The following TRANK1 variants were observed in gnomAD, a reference collection of about 807,000 sequenced individuals.
TRANK1 encodes TPR and ankyrin repeat-containing protein 1.
Under a neutral mutation model 266.0 loss-of-function variants are expected in TRANK1, and 198 were observed. The ratio of observed to expected loss-of-function variants is 0.74; its 90% CI spans 0.66 to 0.84. The LOEUF is 0.84. Among genes scored for constraint, TRANK1 ranks in the 40% least tolerant of loss-of-function variants. The pLI, the probability that TRANK1 is intolerant of heterozygous loss-of-function variation, is 0.00. For synonymous variants in TRANK1, 1,396 were observed against 1,384.1 expected (o/e 1.01, Z -0.19); for missense variants, 3,326 against 3,634.6 (o/e 0.92, Z 2.18).
At chr3:36,943,701 G>T (rs574243487) in intron 1 of TRANK1, among the ~76,000 whole-genome samples, 1 of 151,492 alleles carries the variant, frequency 6.6e-6, no homozygotes, top group African/African-American at 2.4e-5. Flanking sequence ...TATCAAAAAG[G>T]ATCCTGGAAC....
In TRANK1 at chr3:36,828,276, T is replaced by C. The variant is rs940572539; in HGVS notation, c.8909A>G (p.Ter2970=). ...SRKCGKQRKY[*] is the part of the protein sequence containing the mutation. ...GAGGAGGCTGCAGCTGTGTGGACAT[T>C]AGTATTTTCTCTGCTTTCCACATTT... Residue 2970 remains the stop codon, a stop_retained_variant, in exon 24 of 24, where the codon TAA becomes TGA. Coordinates refer to ENST00000645898, the MANE Select transcript of TRANK1 (RefSeq NM_001329998.2). 1.9e-6 allele frequency: 3 copies of C among 1,608,532 alleles called. No homozygotes were observed. Among genetic ancestry groups the C allele is most frequent in the South Asian group, 1.1e-5 (1 of 89,786 alleles).
chr3:36,829,613 C>A lies in TRANK1; in HGVS notation c.8760G>T (p.Arg2920Ser). ...RLVNILILSV[R>S]DARDWLMKTE... The stretch of plus-strand genomic sequence containing the variant: ...TTTTCATCAACCAGTCTCGTGCATC[C>A]CTGACTGACAGGATCAGAATGTTGA... The change falls in exon 23 of 24, where the codon AGG becomes AGT. Residue 2920 changes from arginine (R) to serine (S), a missense_variant. Physicochemically the swap from Arg to Ser is moderately radical, Grantham distance 110 (BLOSUM62 -1). Transcript: ENST00000645898. 1 of 1,614,016 alleles carries A rather than the reference C, an allele frequency of 6.2e-7. No homozygotes were observed. Among genetic ancestry groups the A allele is most frequent in the Non-Finnish European group, 8.5e-7 (1 of 1,179,896 alleles).
rs761495207 is a variant in TRANK1, at chr3:36,831,969, A to G, written c.7614T>C (p.Asn2538=). The G allele has an allele frequency of 1.2e-5, 19 of 1,614,010 alleles. No individual in the cohort carries two copies. The highest frequency in any genetic ancestry group is 1.5e-5 in the Non-Finnish European group (18 of 1,179,896). ...CATCAAGCAGGACGTTGAAGTTCACATTCTCATAGCCACATAGCACCTTGG... is the reference window on the plus strand; with the variant it reads ...CATCAAGCAGGACGTTGAAGTTCACGTTCTCATAGCCACATAGCACCTTGG... ...YLAKVLCGYE[N]VNFNVLLDAF... is the part of the protein sequence containing the mutation. Residue 2538 remains asparagine (N), a synonymous_variant, in exon 22 of 24, where the codon AAT becomes AAC. Transcript: ENST00000645898. This position sits in a 1 kb window ranked among gnomAD's most constrained non-coding sequence, Gnocchi z 5.0.
chr3:36,864,048 T>C (rs981681053), intron 10 of TRANK1, among the ~76,000 whole-genome samples: 4 of 152,188 alleles, frequency 2.6e-5, no homozygotes, highest in African/African-American at 9.7e-5. Context: ...ATATCTATAG[T>C]ATTTTTTAAA....
At chr3:36,905,951 G>T (rs1408059547) in intron 2 of TRANK1, among the ~76,000 whole-genome samples, 1 of 152,186 alleles carries the variant, frequency 6.6e-6, no homozygotes. Flanking sequence ...TGTCAGGAAG[G>T]TCCCACAAAA....
chr3:36,945,281 C>A (rs149089819), upstream of TRANK1, among the ~76,000 whole-genome samples: 139 of 152,288 alleles, frequency 9.1e-4, no homozygotes, highest in African/African-American at 3.1e-3. Context: ...TGCGAGAATT[C>A]GGCTTTCCTT....
Position 36,855,715 on chromosome 3 carries a change from T to G in TRANK1, c.4007A>C (p.Lys1336Thr). The change falls in exon 13 of 24, where the codon AAA (lysine) becomes ACA (threonine). Residue 1336 changes from lysine (K) to threonine (T), a missense_variant. Coordinates refer to ENST00000645898, the MANE Select transcript of TRANK1 (RefSeq NM_001329998.2). ...FKNEIWPKMT[K>T]GRTAYNPALI... ...TGCAGGGTTGTAGGCAGTCCTCCCT[T>G]TGGTCATTTTGGGCCATATTTCATT... 1 of 1,613,768 alleles carries G rather than the reference T, an allele frequency of 6.2e-7. No homozygotes were observed. The highest frequency in any genetic ancestry group is 8.5e-7 in the Non-Finnish European group (1 of 1,179,840).
At chr3:36,910,650 G>A (rs919945926) in intron 1 of TRANK1, among the ~76,000 whole-genome samples, 1 of 152,160 alleles carries the variant, frequency 6.6e-6, no homozygotes, top group African/African-American at 2.4e-5. Flanking sequence ...TGAGGCAGGA[G>A]AATCGCTTGA....
chr3:36,927,987 T>G (rs1405075348), intron 1 of TRANK1, among the ~76,000 whole-genome samples: 1 of 152,240 alleles, frequency 6.6e-6, no homozygotes, highest in Non-Finnish European at 1.5e-5. Flanking sequence ...GAATTACTTC[T>G]GTGGTGCATT....
chr3:36,840,163 A>T (rs4547646), intron 18 of TRANK1, among the ~76,000 whole-genome samples: 33,677 of 151,804 alleles, frequency 0.22, 4,630 homozygotes, highest in East Asian at 0.57. Context: ...ATAGTTTTCC[A>T]ATTTCAGACC....
At chr3:36,830,765 A>T (rs908395091) in intron 22 of TRANK1, 108 bp downstream of exon 22, 10 of 1,264,012 alleles carry the variant, frequency 7.9e-6, no homozygotes, top group Non-Finnish European at 1.1e-5. Flanking sequence ...TAAGGCCAAG[A>T]TTCCACCATC....
intron 1 of TRANK1, among the ~76,000 whole-genome samples, chr3:36,934,867 A>G (rs761962559): frequency 6.6e-6 from 1 of 152,114 alleles, no homozygotes; most frequent in Non-Finnish European, 1.5e-5. Flanking sequence ...TGCAGGCCCC[A>G]GAATAGCTAT....
Position 36,857,348 on chromosome 3 carries a change from G to GGGGCCC in TRANK1, c.2373_2374insGGGCCC (p.Ala791_Gln792insGlyPro), listed in dbSNP as rs1240587786. The GGGGCCC allele has an allele frequency of 5.0e-6, 8 of 1,607,116 alleles. No individual in the cohort carries two copies. The highest frequency in any genetic ancestry group is 5.9e-6 in the Non-Finnish European group (7 of 1,176,832). On this transcript the variant is annotated inframe_insertion, in exon 13 of 24. Transcript: ENST00000645898. This position sits in a 1 kb window ranked among gnomAD's most constrained non-coding sequence, Gnocchi z 4.3. ...AGCTGCAAGGCCCCAAGGCCCACCTGAGCATGTCCTTCCCCCACCTCACTA... is the reference window on the plus strand; with the variant it reads ...AGCTGCAAGGCCCCAAGGCCCACCTGGGGCCCAGCATGTCCTTCCCCCACCTCACTA...
At chr3:36,936,839 C>A (rs1004169253) in intron 1 of TRANK1, among the ~76,000 whole-genome samples, 3 of 152,204 alleles carry the variant, frequency 2.0e-5, no homozygotes, top group Admixed American at 6.5e-5. Context: ...TGATGGCTCA[C>A]GCCTGTAATC....
At chr3:36,921,866 G>T (rs1414102099) in intron 1 of TRANK1, among the ~76,000 whole-genome samples, 1 of 152,146 alleles carries the variant, frequency 6.6e-6, no homozygotes, top group African/African-American at 2.4e-5. Flanking sequence ...AGCAGGCCAG[G>T]TACGGTGGCT....
intron 10 of TRANK1, among the ~76,000 whole-genome samples, chr3:36,862,556 G>A (rs1293927558): frequency 6.6e-6 from 1 of 152,146 alleles, no homozygotes; most frequent in African/African-American, 2.4e-5. Flanking sequence ...ACTCTCTGTT[G>A]ACATATGGAT....
intron 5 of TRANK1, among the ~76,000 whole-genome samples, chr3:36,893,910 T>A (rs940443645): frequency 2.7e-5 from 4 of 149,974 alleles, no homozygotes; most frequent in African/African-American, 7.4e-5. Context: ...TGAGACAGAG[T>A]CTCACTCTTG....
intron 1 of TRANK1, among the ~76,000 whole-genome samples, chr3:36,913,409 G>GCTCA (rs2125637939): frequency 6.6e-6 from 1 of 151,432 alleles, no homozygotes; most frequent in South Asian, 2.1e-4. Context: ...TTGCTTGCTT[G>GCTCA]CTTGCTCACT....
chr3:36,907,978 C>A (rs574305091), intron 2 of TRANK1, among the ~76,000 whole-genome samples: 3 of 152,074 alleles, frequency 2.0e-5, no homozygotes, highest in Non-Finnish European at 4.4e-5. Flanking sequence ...GCGGGGTGTG[C>A]GCTGTGGCCA....
Sources: gnomAD v4.1 joint callset for allele counts (sites outside exome capture counted in the v4.1 genomes callset) on GRCh38, gnomAD v4.1.1 for gene constraint, Gnocchi (gnomAD v3.1) non-coding constraint, MANE v1.5 for transcripts, NCBI Gene and HGNC (gene_info 2026-07-23, HGNC 2026-07-21) for gene names.